Variants in PLXNA4 observed in about 807,000 individuals in gnomAD.
PLXNA4 encodes plexin A4.
PLXNA4 carries 44 observed loss-of-function variants against 191.8 expected under a neutral mutation model. The ratio of observed to expected loss-of-function variants is 0.23; its 90% confidence interval spans 0.18 to 0.29. The LOEUF (loss-of-function observed/expected upper bound fraction) is 0.29. PLXNA4 is among the 10% of genes least tolerant of loss of function. The pLI is 1.00. For missense variants in PLXNA4, 1,800 were observed against 2,488.8 expected, an observed-to-expected ratio of 0.72 and a Z score of 5.89; for synonymous variants, 1,082 against 1,009.5, an observed-to-expected ratio of 1.07 and a Z score of -1.36.
chr7:132,445,313 G>T (rs1270889620), intron 3 of PLXNA4, among the ~76,000 whole-genome samples: 1 of 151,850 alleles, frequency 6.6e-6, no homozygotes, highest in Non-Finnish European at 1.5e-5. Context: ...AGACTTGTCT[G>T]GGGCAACTCA....
intron 7 of PLXNA4, 128 bp from the exon 8 acceptor site, chr7:132,226,388 C>T: frequency 2.9e-6 from 2 of 693,886 alleles, no homozygotes; most frequent in Non-Finnish European, 4.9e-6. Context: ...AGGGCTCTGA[C>T]TCAGCAGACC....
At chr7:132,218,955 C>T (rs527868936) in intron 9 of PLXNA4, among the ~76,000 whole-genome samples, 7 of 152,114 alleles carry the variant, frequency 4.6e-5, no homozygotes, top group South Asian at 2.1e-4. Context: ...TTCACCTGAA[C>T]GCATTCTTTG....
At chr7:132,355,090 T>C (rs1461448207) in intron 3 of PLXNA4, among the ~76,000 whole-genome samples, 1 of 152,278 alleles carries the variant, frequency 6.6e-6, no homozygotes, top group East Asian at 1.9e-4. Context: ...CCTCTAGTGG[T>C]CAGGGCCCTG....
intron 4 of PLXNA4, among the ~76,000 whole-genome samples, chr7:132,271,533 T>C (rs1056119117): frequency 6.6e-6 from 1 of 152,168 alleles, no homozygotes; most frequent in Non-Finnish European, 1.5e-5. Flanking sequence ...AGGAAATATT[T>C]CCAGAGGCTG....
rs1563052793 is a variant in PLXNA4 at position 132,140,821 on chromosome 7, AG to A, written c.5226-11del. The A allele has an allele frequency of 6.2e-7, 1 of 1,613,830 alleles. No individual in the cohort carries two copies. Among genetic ancestry groups the A allele is most frequent in the East Asian group, 2.2e-5 (1 of 44,862 alleles). On this transcript the variant is annotated splice_polypyrimidine_tract_variant and intron_variant, in intron 29 of 31. Transcript: ENST00000321063. ...AAACCTCAGGGGCAGGCTGCGTGGAAGGAAGAGGCAGATGGTCAGGAAAGAC... is the reference window on the plus strand; with the variant it reads ...AAACCTCAGGGGCAGGCTGCGTGGAAGAAGAGGCAGATGGTCAGGAAAGAC...
At chr7:132,176,834 G>A (rs977862880) in intron 20 of PLXNA4, among the ~76,000 whole-genome samples, 2 of 152,014 alleles carry the variant, frequency 1.3e-5, no homozygotes, top group African/African-American at 2.4e-5. Flanking sequence ...ATGCAAGTAC[G>A]AATGTGAGTG....
chr7:132,508,761 A>T lies in PLXNA4; in HGVS notation c.-68T>A. 1 of 1,441,712 alleles carries T rather than the reference A, an allele frequency of 6.9e-7. No homozygotes were observed. Among genetic ancestry groups the T allele is most frequent in the Non-Finnish European group, 9.1e-7 (1 of 1,102,170 alleles). The allele number at this position is 1,441,712 out of a possible 1,614,324, so 89.3% of individuals were successfully genotyped here. The stretch of plus-strand genomic sequence containing the variant: ...TCGTCCCCTCAGAGGGCCAGGACTC[A>T]GCAATGCAGTCTCCCCTACTGGAGA... On this transcript the variant is annotated 5_prime_UTR_variant, in exon 2 of 32. Transcript: ENST00000321063. The surrounding 1 kb of genome is among the most constrained non-coding windows in gnomAD (Gnocchi z 4.4).
intron 3 of PLXNA4, among the ~76,000 whole-genome samples, chr7:132,301,651 C>T (rs1255515821): frequency 6.6e-6 from 1 of 152,206 alleles, no homozygotes; most frequent in African/African-American, 2.4e-5. Context: ...AACCTGCATT[C>T]CTTCAAGACG....
intron 2 of PLXNA4, among the ~76,000 whole-genome samples, chr7:132,623,505 C>G (rs541809077): frequency 6.6e-6 from 1 of 152,276 alleles, no homozygotes; most frequent in Admixed American, 6.5e-5. Context: ...AAAAAGGACT[C>G]ACCCATAAGT....
chr7:132,316,339 G>T (rs1334177673), intron 3 of PLXNA4, among the ~76,000 whole-genome samples: 1 of 151,178 alleles, frequency 6.6e-6, no homozygotes, highest in Non-Finnish European at 1.5e-5. Flanking sequence ...ACCAGAGTTT[G>T]GGAAAACCTT....
chr7:132,264,588 T>A (rs1283840371), intron 4 of PLXNA4, among the ~76,000 whole-genome samples: 2 of 151,944 alleles, frequency 1.3e-5, no homozygotes, highest in African/African-American at 4.8e-5. Context: ...TAACACCACC[T>A]AAACCACAGG....
intron 2 of PLXNA4, among the ~76,000 whole-genome samples, chr7:132,601,846 T>C (rs1420191703): frequency 6.6e-6 from 1 of 152,236 alleles, no homozygotes; most frequent in Non-Finnish European, 1.5e-5. Context: ...GATCCTTTTC[T>C]GAAAGATGTC....
At chr7:132,425,993 T>G (rs1257095540) in intron 3 of PLXNA4, among the ~76,000 whole-genome samples, 1 of 152,174 alleles carries the variant, frequency 6.6e-6, no homozygotes, top group Non-Finnish European at 1.5e-5. Flanking sequence ...CTTCATAAAG[T>G]GCAGGCACAG....
intron 2 of PLXNA4, among the ~76,000 whole-genome samples, chr7:132,490,472 C>A (rs1271245991): frequency 7.7e-6 from 1 of 129,610 alleles, no homozygotes; most frequent in Admixed American, 9.2e-5. Flanking sequence ...GTCACCCAGG[C>A]TGGAGTGCAG....
At chr7:132,444,729 G>A (rs774054399) in intron 3 of PLXNA4, among the ~76,000 whole-genome samples, 5 of 152,154 alleles carry the variant, frequency 3.3e-5, no homozygotes, top group African/African-American at 7.2e-5. Context: ...ACCTGTGGGT[G>A]TGCAACCATG....
At chr7:132,515,644 T>C (rs997431747) in intron 1 of PLXNA4, among the ~76,000 whole-genome samples, 5 of 152,212 alleles carry the variant, frequency 3.3e-5, no homozygotes, top group Non-Finnish European at 5.9e-5. Flanking sequence ...TGCACGTGTA[T>C]GTACCAACTT....
At chr7:132,406,976 C>T (rs1304931396) in intron 3 of PLXNA4, among the ~76,000 whole-genome samples, 1 of 152,110 alleles carries the variant, frequency 6.6e-6, no homozygotes. Flanking sequence ...ATAAGGAAAA[C>T]AAGCCCAAAC....
At chr7:132,281,206 C>T (rs1714536333) in intron 4 of PLXNA4, among the ~76,000 whole-genome samples, 1 of 152,142 alleles carries the variant, frequency 6.6e-6, no homozygotes, top group South Asian at 2.1e-4. Flanking sequence ...TATTTCCATA[C>T]TTTGTTTTAA....
chr7:132,529,907 C>T (rs7791204), intron 1 of PLXNA4, among the ~76,000 whole-genome samples: 3 of 152,260 alleles, frequency 2.0e-5, no homozygotes, highest in Middle Eastern at 3.4e-3. Flanking sequence ...GCCTGGCCCC[C>T]CTAATGGATA....
Sources: gnomAD v4.1 joint callset for allele counts (sites outside exome capture counted in the v4.1 genomes callset) on GRCh38, gnomAD v4.1.1 for gene constraint, Gnocchi (gnomAD v3.1) non-coding constraint, MANE v1.5 for transcripts, NCBI Gene and HGNC (gene_info 2026-07-23, HGNC 2026-07-21) for gene names.